The following FMN2 variants were observed in gnomAD, a reference collection of about 807,000 sequenced individuals.
FMN2 encodes the protein formin 2.
In FMN2, 51 loss-of-function variants were observed where a neutral mutation model predicts 142.3. That is an observed-to-expected ratio of 0.36 (90% confidence interval 0.29 to 0.45). The LOEUF (loss-of-function observed/expected upper bound fraction) is 0.45. Ranked by LOEUF, FMN2 falls within the 20% of genes least tolerant of loss-of-function variation. The probability of loss-of-function intolerance (pLI) is 1.00; values close to 1 mark genes in which losing one functional copy is unlikely to be tolerated. For synonymous variants in FMN2, 882 were observed against 869.8 expected (o/e 1.01, Z -0.25); for missense variants, 1,936 against 2,122.8 (o/e 0.91, Z 1.73).
At chr1:240,304,453 C>T (rs1670307303) in intron 8 of FMN2, among the ~76,000 whole-genome samples, 1 of 152,162 alleles carries the variant, frequency 6.6e-6, no homozygotes, top group Non-Finnish European at 1.5e-5. Flanking sequence ...CTGCACCTTT[C>T]CCTGGGCACA....
At chr1:240,433,309 G>A (rs931129119) in intron 15 of FMN2, among the ~76,000 whole-genome samples, 44 of 152,242 alleles carry the variant, frequency 2.9e-4, no homozygotes, top group Admixed American at 2.0e-3. Flanking sequence ...TTCCACTGCA[G>A]TATTTTCATC....
At chr1:240,100,966 G>A (rs1031998636) in intron 1 of FMN2, among the ~76,000 whole-genome samples, 1 of 152,140 alleles carries the variant, frequency 6.6e-6, no homozygotes, top group Non-Finnish European at 1.5e-5. Context: ...TGTAGTACCT[G>A]GTGATAGAGT....
chr1:240,396,156 C>G (rs1673762945), intron 15 of FMN2, among the ~76,000 whole-genome samples: 1 of 152,182 alleles, frequency 6.6e-6, no homozygotes, highest in Non-Finnish European at 1.5e-5. Context: ...AGATGTAATT[C>G]TGTTGCATAC....
chr1:240,285,325 G>A, intron 7 of FMN2: 1 of 455,162 alleles, frequency 2.2e-6, no homozygotes, highest in Non-Finnish European at 4.4e-6. Context: ...AGCAGATGGA[G>A]GCTCCGTCAT....
chr1:240,349,425 A>G (rs930359811), intron 13 of FMN2, among the ~76,000 whole-genome samples: 1 of 152,224 alleles, frequency 6.6e-6, no homozygotes, highest in Middle Eastern at 3.2e-3. Context: ...ACAGAAAAGC[A>G]GCAACTCTAA....
intron 15 of FMN2, among the ~76,000 whole-genome samples, chr1:240,419,247 C>G (rs1479822566): frequency 6.6e-6 from 1 of 151,746 alleles, no homozygotes; most frequent in Non-Finnish European, 1.5e-5. Flanking sequence ...TTTTCATCTT[C>G]CTGGTTAACC....
intron 15 of FMN2, among the ~76,000 whole-genome samples, chr1:240,405,060 C>A (rs1488598754): frequency 6.6e-6 from 1 of 152,114 alleles, no homozygotes; most frequent in Admixed American, 6.5e-5. Flanking sequence ...CTAGAACAGA[C>A]TAAACTGTCT....
chr1:240,208,551 C>G lies in FMN2; in HGVS notation c.3739C>G (p.Pro1247Ala). Residue 1247 changes from proline (P) to alanine (A), a missense_variant, in exon 5 of 18, where the codon CCA (proline) becomes GCA (alanine). Transcript: ENST00000319653. ...TCCTGTATCAGGCCCTCCACTCCTCCCACAAGTTGGGAGTAGCACTTTACC... is the reference window on the plus strand; with the variant it reads ...TCCTGTATCAGGCCCTCCACTCCTCGCACAAGTTGGGAGTAGCACTTTACC... ...LLPVSGPPLL[P>A]QVGSSTLPTP... 1 of 1,613,562 alleles carries G rather than the reference C, an allele frequency of 6.2e-7. No individual in the cohort carries two copies. The highest frequency in any genetic ancestry group is 8.5e-7 in the Non-Finnish European group (1 of 1,179,944).
At chr1:240,302,791 G>C (rs866019916) in intron 8 of FMN2, among the ~76,000 whole-genome samples, 1 of 151,916 alleles carries the variant, frequency 6.6e-6, no homozygotes, top group Non-Finnish European at 1.5e-5. Flanking sequence ...TGATATCTAA[G>C]TATAACTATC....
chr1:240,280,667 AGACAGTGG>A (rs1462282170), intron 7 of FMN2, among the ~76,000 whole-genome samples: 10 of 152,178 alleles, frequency 6.6e-5, no homozygotes, highest in Non-Finnish European at 2.9e-5. Context: ...AACATTCAAC[AGACAGTGG>A]ATGTTTTACA....
chr1:240,367,767 C>CAAAAAAA (rs60368715), intron 14 of FMN2, among the ~76,000 whole-genome samples: 2 of 54,042 alleles, frequency 3.7e-5, no homozygotes, highest in East Asian at 4.5e-4. Context: ...GACTCAGTCT[C>CAAAAAAA]AAAAAAAAAA....
chr1:240,242,676 C>G lies in FMN2; in HGVS notation c.4066-15269C>G, dbSNP rs143859612. Among the ~76,000 whole-genome samples, 1,445 of 152,250 alleles carry G rather than the reference C, an allele frequency of 9.5e-3. 20 individuals carry two copies. Among genetic ancestry groups the G allele is most frequent in the African/African-American group, 0.033 (1,367 of 41,542 alleles). ...AGCACAAGAGGCTCTTCTTGGTAAC[C>G]TTACCAAATTCCACAGCTGTCAGTC... On this transcript the variant is annotated intron_variant, in intron 6 of 17. Coordinates refer to ENST00000319653, the MANE Select transcript of FMN2 (RefSeq NM_020066.5).
chr1:240,336,131 G>A lies in FMN2; in HGVS notation c.4765+1902G>A, dbSNP rs144120830. ...GCACTCCAGCCTGAGCAACAAGAGC[G>A]AAACTCCATCTCAAAAATAAATAAA... On this transcript the variant is annotated intron_variant, in intron 13 of 17. Coordinates refer to ENST00000319653, the MANE Select transcript of FMN2 (RefSeq NM_020066.5). Among the ~76,000 whole-genome samples, 754 of 152,122 alleles carry A rather than the reference G, an allele frequency of 5.0e-3. 5 individuals are homozygous for A. The highest frequency in any genetic ancestry group is 0.017 in the African/African-American group (709 of 41,518).
chr1:240,308,759 T>A (rs1231579345), intron 8 of FMN2, among the ~76,000 whole-genome samples: 1 of 152,210 alleles, frequency 6.6e-6, no homozygotes, highest in Non-Finnish European at 1.5e-5. Context: ...AGTGGTCAGA[T>A]TCTGGAACTA....
rs1291214930 is a variant in FMN2, at chr1:240,188,379, C to T, written c.1986+117C>T. On this transcript the variant is annotated intron_variant, in intron 4 of 17. Coordinates refer to ENST00000319653, the MANE Select transcript of FMN2 (RefSeq NM_020066.5). ...GGCTGGCTAGGATGCCCTTGTTTTC[C>T]CTAAGCCTGCAGTGGAATCCAGTCA... is the stretch of plus-strand genomic sequence containing the variant. The T allele has an allele frequency of 9.1e-6, 9 of 991,902 alleles. No individual in the cohort carries two copies. In the East Asian group the frequency reaches 2.3e-4, roughly 25 times the overall value. The allele number at this position is 991,902 out of a possible 1,614,324, so 61.4% of individuals were successfully genotyped here.
At chr1:240,404,450 A>T (rs756332567) in intron 15 of FMN2, among the ~76,000 whole-genome samples, 4 of 152,204 alleles carry the variant, frequency 2.6e-5, no homozygotes, top group Non-Finnish European at 5.9e-5. Flanking sequence ...AGTGACATGG[A>T]ATGTCTTTGC....
chr1:240,369,625 A>G (rs1050081084), intron 14 of FMN2, among the ~76,000 whole-genome samples: 1 of 152,138 alleles, frequency 6.6e-6, no homozygotes, highest in African/African-American at 2.4e-5. Flanking sequence ...TAGATTTGCT[A>G]ATTATAAAAT....
At chr1:240,337,390 G>C (rs1428556974) in intron 13 of FMN2, among the ~76,000 whole-genome samples, 1 of 151,590 alleles carries the variant, frequency 6.6e-6, no homozygotes, top group African/African-American at 2.4e-5. Context: ...CTAATTTTTT[G>C]TATTTCTAGT....
At chr1:240,347,701 C>T (rs1671955130) in intron 13 of FMN2, among the ~76,000 whole-genome samples, 1 of 152,128 alleles carries the variant, frequency 6.6e-6, no homozygotes, top group South Asian at 2.1e-4. Context: ...TGTCTCTCCC[C>T]ACTCTAATAG....
Sources: allele counts gnomAD v4.1 joint callset (sites outside exome capture counted in the v4.1 genomes callset), GRCh38; gene constraint gnomAD v4.1.1; transcripts MANE v1.5; gene names NCBI Gene and HGNC (gene_info 2026-07-23, HGNC 2026-07-21).